CBFA2T2: variants seen among roughly 807,000 people sequenced by gnomAD.
CBFA2T2 encodes protein CBFA2T2.
In CBFA2T2, 11 loss-of-function variants were observed where a neutral mutation model predicts 62.2. The ratio of observed to expected loss-of-function variants is 0.18; its 90% CI spans 0.11 to 0.29. The LOEUF (loss-of-function observed/expected upper bound fraction) is 0.29. Ranked by LOEUF, CBFA2T2 falls within the 10% of genes least tolerant of loss-of-function variation. CBFA2T2 has a pLI of 1.00. For synonymous variants in CBFA2T2, 295 were observed against 287.5 expected, an observed-to-expected ratio of 1.03 and a Z score of -0.27; for missense variants, 592 against 774.1, an observed-to-expected ratio of 0.76 and a Z score of 2.79.
chr20:33,525,956 G>A lies in CBFA2T2; in HGVS notation c.34+35655G>A, dbSNP rs112458575. ...GGTGTGAGCCACTGCACCTGGCCAC[G>A]TAATCTACTTTCTGTCTATGGATTT... On this transcript the variant is annotated intron_variant, in intron 1 of 10. Transcript: ENST00000342704. Among the ~76,000 whole-genome samples, 1,321 of 152,112 alleles carry A rather than the reference G, an allele frequency of 8.7e-3. 8 individuals carry two copies. The highest frequency in any genetic ancestry group is 0.017 in the Middle Eastern group (5 of 292).
intron 1 of CBFA2T2, among the ~76,000 whole-genome samples, chr20:33,508,202 C>A (rs1308322213): frequency 2.0e-5 from 3 of 152,094 alleles, no homozygotes; most frequent in Admixed American, 6.6e-5. Flanking sequence ...TTAAGTGATT[C>A]TCCTGCCTCA....
intron 1 of CBFA2T2, among the ~76,000 whole-genome samples, chr20:33,580,516 T>G (rs1264785606): frequency 7.2e-5 from 11 of 152,100 alleles, no homozygotes; most frequent in Admixed American, 7.2e-4. Flanking sequence ...GAACAGAAAT[T>G]TTTTTATATT....
At position 33,523,915 on chromosome 20, in the gene CBFA2T2, C is replaced by T. The variant is rs572361340; in HGVS notation, c.34+33614C>T. The stretch of plus-strand genomic sequence containing the variant: ...GTCAGACTGATCTCGAACTCCTGAC[C>T]TGAGGTGATCCGCCCGCCTCGGCCT... On this transcript the variant is annotated intron_variant, in intron 1 of 10. Transcript: ENST00000342704. 2.0e-5 allele frequency among the ~76,000 whole-genome samples: 3 copies of T among 152,090 alleles called. No individual in the cohort carries two copies. In the South Asian group the frequency reaches 6.2e-4, roughly 32 times the overall value.
intron 1 of CBFA2T2, among the ~76,000 whole-genome samples, chr20:33,528,115 C>G (rs1021388962): frequency 6.6e-6 from 1 of 152,152 alleles, no homozygotes; most frequent in Non-Finnish European, 1.5e-5. Flanking sequence ...AGCAGTCCTC[C>G]CACCTCAGCC....
chr20:33,516,807 T>C (rs1480802778), intron 1 of CBFA2T2, among the ~76,000 whole-genome samples: 3 of 152,254 alleles, frequency 2.0e-5, no homozygotes, highest in East Asian at 1.9e-4. Flanking sequence ...CATAATACTT[T>C]GCAGTTTTTA....
chr20:33,490,585 C>A (rs2146838288), intron 1 of CBFA2T2, among the ~76,000 whole-genome samples: 2 of 152,298 alleles, frequency 1.3e-5, no homozygotes, highest in Middle Eastern at 6.8e-3. Context: ...ATGGGACTTG[C>A]CGGCGGGCAA....
At chr20:33,490,826 G>C (rs951238276) in intron 1 of CBFA2T2, among the ~76,000 whole-genome samples, 1 of 152,204 alleles carries the variant, frequency 6.6e-6, no homozygotes, top group African/African-American at 2.4e-5. Context: ...GGGATGTGGA[G>C]CGGGTTCCCT....
At position 33,577,263 on chromosome 20, in the gene CBFA2T2, T is replaced by G. The variant is rs1160225216; in HGVS notation, c.35-29693T>G. Among the ~76,000 whole-genome samples the G allele has an allele frequency of 2.0e-5, 3 of 152,222 alleles. No individual in the cohort carries two copies. The East Asian group carries it at 5.8e-4, about 29-fold the overall frequency. On this transcript the variant is annotated intron_variant, in intron 1 of 10. Coordinates refer to ENST00000342704, the MANE Select transcript of CBFA2T2 (RefSeq NM_001032999.3). ...AATATACCTGGATTTTTAAAAATAT[T>G]GATGGATAAAAACTTTCTGGATTGT... is the stretch of plus-strand genomic sequence containing the variant.
intron 1 of CBFA2T2, among the ~76,000 whole-genome samples, chr20:33,520,246 G>A (rs2011694480): frequency 6.6e-6 from 1 of 152,196 alleles, no homozygotes; most frequent in African/African-American, 2.4e-5. Context: ...GGAGATAACT[G>A]AGAAACTATT....
rs140836033 is a variant in CBFA2T2, at chr20:33,587,330, G to A, written c.35-19626G>A. Among the ~76,000 whole-genome samples the A allele has an allele frequency of 4.8e-3, 734 of 152,008 alleles. 3 individuals are homozygous for A. The highest frequency in any genetic ancestry group is 7.7e-3 in the South Asian group (37 of 4,818). On this transcript the variant is annotated intron_variant, in intron 1 of 10. Transcript: ENST00000342704. ...TCGCCAGGCTGGAGTGCAGTGGCAC[G>A]ATCTCGGCTCACTGCAACCTGTGCC...
chr20:33,624,021 T>G, intron 5 of CBFA2T2: 1 of 548,788 alleles, frequency 1.8e-6, no homozygotes, highest in Non-Finnish European at 3.2e-6. Context: ...AAATGCCTTT[T>G]ATGTCAAACG....
intron 3 of CBFA2T2, among the ~76,000 whole-genome samples, chr20:33,613,565 A>G (rs2015600973): frequency 6.6e-6 from 1 of 152,206 alleles, no homozygotes; most frequent in African/African-American, 2.4e-5. Context: ...TACAGACTCA[A>G]TGCCAAGGTT....
At chr20:33,495,850 T>C (rs1237294916) in intron 1 of CBFA2T2, among the ~76,000 whole-genome samples, 1 of 152,202 alleles carries the variant, frequency 6.6e-6, no homozygotes, top group Non-Finnish European at 1.5e-5. Context: ...TTTCCTCATC[T>C]GAAAAATGGA....
In CBFA2T2 at chr20:33,588,528, A is replaced by T. The variant is rs183632826; in HGVS notation, c.35-18428A>T. Among the ~76,000 whole-genome samples the T allele has an allele frequency of 4.8e-3, 737 of 152,198 alleles. 8 individuals are homozygous for T. The highest frequency in any genetic ancestry group is 0.016 in the African/African-American group (680 of 41,532). ...CCTTTATTTTTGGCCTGTTTGAAAG[A>T]TTTATGCTACATTATATTTTCCTTT... On this transcript the variant is annotated intron_variant, in intron 1 of 10. Coordinates refer to ENST00000342704, the MANE Select transcript of CBFA2T2 (RefSeq NM_001032999.3).
rs2011135083 is a variant in CBFA2T2, at chr20:33,490,120, A to C, written c.-148A>C. Reference sequence around the variant, plus strand: ...CGGCGGCGGCGGCGACGGCGACAGCAGCGGTGGTGGTGTCTGGTTAGCTCG... The same window carrying C: ...CGGCGGCGGCGGCGACGGCGACAGCCGCGGTGGTGGTGTCTGGTTAGCTCG... On this transcript the variant is annotated 5_prime_UTR_variant, in exon 1 of 11. Coordinates refer to ENST00000342704, the MANE Select transcript of CBFA2T2 (RefSeq NM_001032999.3). 8 of 699,696 alleles carry C rather than the reference A, an allele frequency of 1.1e-5. No individual in the cohort carries two copies. Among genetic ancestry groups the C allele is most frequent in the Non-Finnish European group, 1.1e-5 (6 of 532,798 alleles). 43.3% of individuals were successfully genotyped at this position (699,696 alleles called of 1,614,324 possible). A position where few individuals can be genotyped will look rare whatever the true frequency, so the allele number is the denominator to read the frequency against.
rs1600897809 is a variant in CBFA2T2 at position 33,497,856 on chromosome 20, T to C, written c.34+7555T>C. On this transcript the variant is annotated intron_variant, in intron 1 of 10. Coordinates refer to ENST00000342704, the MANE Select transcript of CBFA2T2 (RefSeq NM_001032999.3). Reference sequence around the variant, plus strand: ...AGCCACCACACCCAGCTTATTTTTATTTTTTTTATAGAGACAGGATGTTTC... The same window carrying C: ...AGCCACCACACCCAGCTTATTTTTACTTTTTTTATAGAGACAGGATGTTTC... 1.3e-5 allele frequency among the ~76,000 whole-genome samples: 2 copies of C among 151,760 alleles called. 1 individual carries two copies. The highest frequency in any genetic ancestry group is 3.9e-4 in the East Asian group (2 of 5,162).
At chr20:33,536,297 G>A (rs935441057) in intron 1 of CBFA2T2, among the ~76,000 whole-genome samples, 8 of 144,854 alleles carry the variant, frequency 5.5e-5, no homozygotes, top group Non-Finnish European at 9.3e-5. Flanking sequence ...CCGGGCGGGG[G>A]GCTGACCCCC....
intron 1 of CBFA2T2, among the ~76,000 whole-genome samples, chr20:33,555,302 T>A (rs2012864712): frequency 6.6e-6 from 1 of 151,922 alleles, no homozygotes; most frequent in Admixed American, 6.6e-5. Context: ...TGGCATGTAG[T>A]TGTCATCATC....
intron 1 of CBFA2T2, among the ~76,000 whole-genome samples, chr20:33,552,465 G>A (rs767786306): frequency 6.6e-6 from 1 of 152,122 alleles, no homozygotes; most frequent in Non-Finnish European, 1.5e-5. Context: ...TCTTTCTGCT[G>A]AATTGTAAGG....
Sources: allele counts gnomAD v4.1 joint callset (sites outside exome capture counted in the v4.1 genomes callset), GRCh38; gene constraint gnomAD v4.1.1; transcripts MANE v1.5; gene names NCBI Gene and HGNC (gene_info 2026-07-23, HGNC 2026-07-21).